The following AUTS2 variants were observed in gnomAD, a reference collection of about 807,000 sequenced individuals.
The protein encoded by AUTS2 is autism susceptibility gene 2 protein.
In AUTS2, 17 loss-of-function variants were observed where a neutral mutation model predicts 112.4. The observed-to-expected ratio is 0.15, with a 90% CI of 0.10 to 0.23. The LOEUF is 0.23. Among genes scored for constraint, AUTS2 ranks in the 10% least tolerant of loss-of-function variants. The pLI is 1.00. For synonymous variants in AUTS2, 751 were observed against 702.7 expected (o/e 1.07, Z -1.09); for missense variants, 1,510 against 1,701.6 (o/e 0.89, Z 1.98).
chr7:69,794,097 T>C (rs1196965299), intron 1 of AUTS2, among the ~76,000 whole-genome samples: 1 of 152,184 alleles, frequency 6.6e-6, no homozygotes, highest in Non-Finnish European at 1.5e-5. Context: ...TGCACTGCCT[T>C]TGGAACCCCT....
intron 5 of AUTS2, among the ~76,000 whole-genome samples, chr7:70,640,072 G>A (rs1053736908): frequency 4.6e-5 from 7 of 152,064 alleles, no homozygotes; most frequent in Non-Finnish European, 8.8e-5. Context: ...AAGAGAAAAG[G>A]ATGTTTATAC....
chr7:70,531,693 C>G (rs1319895355), intron 5 of AUTS2, among the ~76,000 whole-genome samples: 3 of 152,048 alleles, frequency 2.0e-5, no homozygotes, highest in Admixed American at 6.5e-5. Context: ...CATGAGGGAT[C>G]CACCCCCATG....
At chr7:69,660,493 T>G (rs552027758) in intron 1 of AUTS2, among the ~76,000 whole-genome samples, 1 of 152,364 alleles carries the variant, frequency 6.6e-6, no homozygotes, top group East Asian at 1.9e-4. Context: ...TACTATTGAT[T>G]TCTCTGGATG....
chr7:70,570,389 C>G (rs2129525238), intron 5 of AUTS2, among the ~76,000 whole-genome samples: 1 of 152,314 alleles, frequency 6.6e-6, no homozygotes. Context: ...GTAAAGAGAA[C>G]TTGCACCCTG....
At chr7:70,776,669 C>CTTAT in intron 13 of AUTS2, 1 of 244,748 alleles carries the variant, frequency 4.1e-6, no homozygotes, top group Non-Finnish European at 8.0e-6. Context: ...TGTACCCTCT[C>CTTAT]TTATTTTGAT....
chr7:70,516,903 T>C (rs1263763715), intron 5 of AUTS2, among the ~76,000 whole-genome samples: 1 of 152,198 alleles, frequency 6.6e-6, no homozygotes, highest in Non-Finnish European at 1.5e-5. Context: ...TTTGATCATC[T>C]GTTTCCTGGT....
chr7:70,219,078 A>G (rs1811331015), intron 4 of AUTS2, among the ~76,000 whole-genome samples: 1 of 152,180 alleles, frequency 6.6e-6, no homozygotes, highest in Non-Finnish European at 1.5e-5. Context: ...TTTTCCACTC[A>G]ATTAGACTTG....
intron 1 of AUTS2, among the ~76,000 whole-genome samples, chr7:69,683,981 C>A (rs574382777): frequency 7.0e-4 from 106 of 152,182 alleles, no homozygotes; most frequent in African/African-American, 2.5e-3. Flanking sequence ...CATAATGGAA[C>A]CTCCCTAAAT....
intron 1 of AUTS2, among the ~76,000 whole-genome samples, chr7:69,715,374 C>T (rs534298601): frequency 3.3e-5 from 5 of 152,150 alleles, no homozygotes; most frequent in Admixed American, 1.3e-4. Context: ...CTTTTCTTAA[C>T]CAGAAGGCAA....
At chr7:70,575,743 A>G (rs1802136900) in intron 5 of AUTS2, among the ~76,000 whole-genome samples, 1 of 152,202 alleles carries the variant, frequency 6.6e-6, no homozygotes, top group African/African-American at 2.4e-5. Context: ...GGAAGTCAGC[A>G]CATCCTTATA....
At chr7:70,501,273 T>G (rs1798762973) in intron 5 of AUTS2, among the ~76,000 whole-genome samples, 1 of 152,214 alleles carries the variant, frequency 6.6e-6, no homozygotes, top group African/African-American at 2.4e-5. Context: ...GTGTGAGGAC[T>G]GGGAGAGTAG....
intron 1 of AUTS2, among the ~76,000 whole-genome samples, chr7:69,841,071 A>T (rs1464911961): frequency 6.6e-6 from 1 of 152,206 alleles, no homozygotes; most frequent in Admixed American, 6.5e-5. Context: ...CAGTGGTAGG[A>T]TAGCCTGACA....
chr7:70,632,247 T>TTA (rs1374151091), intron 5 of AUTS2, among the ~76,000 whole-genome samples: 6 of 151,924 alleles, frequency 3.9e-5, no homozygotes, highest in African/African-American at 1.5e-4. Flanking sequence ...ACAGCAGTAA[T>TTA]TAGTGCAGAG....
intron 10 of AUTS2, among the ~76,000 whole-genome samples, chr7:70,769,616 C>T (rs950798881): frequency 3.9e-5 from 6 of 152,154 alleles, no homozygotes; most frequent in Non-Finnish European, 8.8e-5. Context: ...ACCCGGGAGG[C>T]GGAGCTTGCA....
At chr7:69,923,244 C>T (rs1428778266) in intron 2 of AUTS2, among the ~76,000 whole-genome samples, 2 of 152,290 alleles carry the variant, frequency 1.3e-5, no homozygotes, top group African/African-American at 4.8e-5. Flanking sequence ...GCTGTCCATT[C>T]TCCACCTTTG....
chr7:70,180,942 C>T (rs1353044253), intron 4 of AUTS2, among the ~76,000 whole-genome samples: 1 of 152,146 alleles, frequency 6.6e-6, no homozygotes, highest in Non-Finnish European at 1.5e-5. Context: ...TCCATTTACC[C>T]ACCACCCAGC....
chr7:70,296,172 A>G (rs990020103), intron 4 of AUTS2, among the ~76,000 whole-genome samples: 3 of 152,188 alleles, frequency 2.0e-5, no homozygotes, highest in African/African-American at 7.2e-5. Flanking sequence ...GGCCTTTGGT[A>G]TTCCTGTCTT....
At chr7:69,602,501 A>G (rs1030151239) in intron 1 of AUTS2, among the ~76,000 whole-genome samples, 5 of 152,190 alleles carry the variant, frequency 3.3e-5, no homozygotes, top group East Asian at 1.9e-4. Context: ...TTTGAGAACT[A>G]CCAACTCATA....
intron 4 of AUTS2, among the ~76,000 whole-genome samples, chr7:70,407,026 A>G (rs1483088728): frequency 6.6e-6 from 1 of 152,200 alleles, no homozygotes; most frequent in Non-Finnish European, 1.5e-5. Context: ...TATGCCAAAA[A>G]CTGAGCTGGC....
Sources: gnomAD v4.1 joint callset for allele counts (sites outside exome capture counted in the v4.1 genomes callset) on GRCh38, gnomAD v4.1.1 for gene constraint, MANE v1.5 for transcripts, NCBI Gene and HGNC (gene_info 2026-07-23, HGNC 2026-07-21) for gene names.